Variants in GRIN2B observed in about 807,000 individuals in gnomAD.
GRIN2B encodes the protein glutamate ionotropic receptor NMDA type subunit 2B.
GRIN2B carries 5 observed loss-of-function variants against 114.5 expected under a neutral mutation model. That is an observed-to-expected ratio of 0.04 (90% CI 0.02 to 0.09). GRIN2B has a LOEUF of 0.09. GRIN2B is among the 10% of genes least tolerant of loss of function. The pLI, the probability that GRIN2B is intolerant of heterozygous loss-of-function variation, is 1.00. For synonymous variants in GRIN2B, 787 were observed against 745.1 expected (o/e 1.06, Z -0.92); for missense variants, 1,108 against 1,943.5 (o/e 0.57, Z 8.08).
intron 4 of GRIN2B, among the ~76,000 whole-genome samples, chr12:13,729,026 C>T (rs1360684558): frequency 6.6e-6 from 1 of 152,198 alleles, no homozygotes; most frequent in East Asian, 1.9e-4. Context: ...AATCACACAA[C>T]ATAATACAAT....
intron 5 of GRIN2B, among the ~76,000 whole-genome samples, chr12:13,644,732 C>T (rs1655035423): frequency 6.6e-6 from 1 of 152,176 alleles, no homozygotes; most frequent in Non-Finnish European, 1.5e-5. Context: ...GCTGCAGCTT[C>T]TCCATCAGCA....
intron 3 of GRIN2B, among the ~76,000 whole-genome samples, chr12:13,818,187 A>C (rs1030910817): frequency 6.6e-6 from 1 of 152,230 alleles, no homozygotes; most frequent in Non-Finnish European, 1.5e-5. Context: ...TTTGCAAGGC[A>C]TTTCAATATT....
chr12:13,606,243 C>T (rs1459034794), intron 10 of GRIN2B, among the ~76,000 whole-genome samples: 1 of 152,110 alleles, frequency 6.6e-6, no homozygotes, highest in Non-Finnish European at 1.5e-5. Flanking sequence ...TCAGTTGGCT[C>T]ACAATTCTGA....
At chr12:13,947,249 C>A (rs1028978227) in intron 2 of GRIN2B, among the ~76,000 whole-genome samples, 2 of 152,178 alleles carry the variant, frequency 1.3e-5, no homozygotes, top group African/African-American at 4.8e-5. Flanking sequence ...AGCTAATAAA[C>A]CATGAGGTTG....
chr12:13,605,551 T>TCTCACACACACACA, intron 10 of GRIN2B, among the ~76,000 whole-genome samples: 1 of 30,446 alleles, frequency 3.3e-5, no homozygotes, highest in African/African-American at 1.0e-4. Flanking sequence ...TCTCTCTCTC[T>TCTCACACACACACA]GACACACACA....
At chr12:13,859,602 C>T (rs1191726720) in intron 3 of GRIN2B, among the ~76,000 whole-genome samples, 1 of 152,098 alleles carries the variant, frequency 6.6e-6, no homozygotes, top group African/African-American at 2.4e-5. Flanking sequence ...TAATTTTGTC[C>T]TGGCTTTTTT....
chr12:13,589,441 A>G (rs890736885), intron 10 of GRIN2B, among the ~76,000 whole-genome samples: 3 of 152,228 alleles, frequency 2.0e-5, no homozygotes, highest in Admixed American at 6.5e-5. Flanking sequence ...GGCCTTAGCT[A>G]TAGGCAGTCT....
chr12:13,672,191 G>A (rs1167457826), intron 5 of GRIN2B, among the ~76,000 whole-genome samples: 1 of 152,136 alleles, frequency 6.6e-6, no homozygotes, highest in Non-Finnish European at 1.5e-5. Flanking sequence ...AAGGACCCAA[G>A]AAGTCTTCTT....
At chr12:13,924,716 T>C (rs949041035) in intron 2 of GRIN2B, among the ~76,000 whole-genome samples, 1 of 152,158 alleles carries the variant, frequency 6.6e-6, no homozygotes, top group African/African-American at 2.4e-5. Flanking sequence ...AATATCTGTA[T>C]CTTCACTGAT....
In GRIN2B at chr12:13,543,172, AC is replaced by A. The variant is rs11331309; in HGVS notation, c.*19610del. The A allele has an allele frequency of 0.29, 43,444 of 151,756 alleles. 7,973 individuals are homozygous for A. Among genetic ancestry groups the A allele is most frequent in the Middle Eastern group, 0.48 (140 of 294 alleles). 9.4% of individuals were successfully genotyped at this position (151,756 alleles called of 1,614,324 possible). ...CATATCCTGGCCTCTCAGTTCCTTGACCCCTGCTCCTTCTATAACCTTTTCC... is the reference window on the plus strand; with the variant it reads ...CATATCCTGGCCTCTCAGTTCCTTGACCCTGCTCCTTCTATAACCTTTTCC... On this transcript the variant is annotated 3_prime_UTR_variant, in exon 14 of 14. Transcript: ENST00000609686.
chr12:13,663,119 C>T (rs1417521131), intron 5 of GRIN2B, among the ~76,000 whole-genome samples: 8 of 152,110 alleles, frequency 5.3e-5, no homozygotes, highest in African/African-American at 1.9e-4. Flanking sequence ...ACTTTGAGAA[C>T]CTCTGATGTA....
At chr12:13,865,516 C>A (rs1865812391) in intron 3 of GRIN2B, among the ~76,000 whole-genome samples, 1 of 152,078 alleles carries the variant, frequency 6.6e-6, no homozygotes, top group Admixed American at 6.5e-5. Context: ...CCTGTAATCC[C>A]AGCTACTCGG....
At chr12:13,932,989 G>A (rs9795898) in intron 2 of GRIN2B, among the ~76,000 whole-genome samples, 12,996 of 149,996 alleles carry the variant, frequency 0.087, 1,138 homozygotes, top group East Asian at 0.36. Flanking sequence ...GTGTGTGTGC[G>A]TGTGCGTGTG....
intron 2 of GRIN2B, among the ~76,000 whole-genome samples, chr12:13,888,269 AC>A (rs1164616163): frequency 1.4e-4 from 22 of 152,284 alleles, no homozygotes; most frequent in Middle Eastern, 3.4e-3. Flanking sequence ...GGTATAGCTT[AC>A]TACACACCTA....
chr12:13,792,393 C>A (rs1209601907), intron 3 of GRIN2B, among the ~76,000 whole-genome samples: 1 of 152,226 alleles, frequency 6.6e-6, no homozygotes, highest in African/African-American at 2.4e-5. Context: ...ATGGCTATCC[C>A]TTGAAGCTCT....
intron 4 of GRIN2B, among the ~76,000 whole-genome samples, chr12:13,752,116 C>A (rs746039516): frequency 6.6e-6 from 1 of 152,170 alleles, no homozygotes; most frequent in Admixed American, 6.5e-5. Flanking sequence ...GACTGCAGTC[C>A]AGCTCCCTGC....
chr12:13,629,067 G>A (rs891040615), intron 5 of GRIN2B, among the ~76,000 whole-genome samples: 2 of 152,114 alleles, frequency 1.3e-5, no homozygotes, highest in Admixed American at 1.3e-4. Context: ...GTCTAAGAAT[G>A]TACTTACTGT....
At chr12:13,731,530 G>A (rs1306235273) in intron 4 of GRIN2B, among the ~76,000 whole-genome samples, 4 of 152,160 alleles carry the variant, frequency 2.6e-5, no homozygotes, top group African/African-American at 9.7e-5. Flanking sequence ...GAACTCGGGA[G>A]GTGGAGCTTG....
At chr12:13,767,493 G>A (rs1456714794) in intron 3 of GRIN2B, among the ~76,000 whole-genome samples, 1 of 152,134 alleles carries the variant, frequency 6.6e-6, no homozygotes, top group Non-Finnish European at 1.5e-5. Context: ...ATGACATTAA[G>A]TGGATATACA....
Sources: gnomAD v4.1 joint callset for allele counts (sites outside exome capture counted in the v4.1 genomes callset) on GRCh38, gnomAD v4.1.1 for gene constraint, MANE v1.5 for transcripts, NCBI Gene and HGNC (gene_info 2026-07-23, HGNC 2026-07-21) for gene names.